The following FAAH2 variants were observed in gnomAD, a reference collection of about 807,000 sequenced individuals.
FAAH2 encodes fatty-acid amide hydrolase 2.
In FAAH2, 60 loss-of-function variants were observed where a neutral mutation model predicts 36.9. The ratio of observed to expected loss-of-function variants is 1.63; its 90% CI spans 1.32 to 2.02. The LOEUF (loss-of-function observed/expected upper bound fraction) is 2.02, where lower values mean the gene tolerates loss of function less well. FAAH2 is among the 30% of genes most tolerant of loss of function. The pLI is 0.00. For missense variants in FAAH2, 689 were observed against 397.5 expected (o/e 1.73, Z -6.23); for synonymous variants, 214 against 143.8 (o/e 1.49, Z -3.49).
At chrX:57,217,922 G>A in the FAAH2 span, among the ~76,000 whole-genome samples, 1 of 111,802 alleles carries the variant, frequency 8.9e-6, no homozygotes, top group East Asian at 2.8e-4. Context: ...AGCATGGCAT[G>A]TGTTTCCATT....
At chrX:57,224,562 G>A in the FAAH2 span, among the ~76,000 whole-genome samples, 6 of 111,424 alleles carry the variant, frequency 5.4e-5, no homozygotes, top group Admixed American at 1.9e-4. Context: ...AGCGTGCGCC[G>A]GCAAGATAGC....
At chrX:57,173,512 A>C in the FAAH2 span, among the ~76,000 whole-genome samples, 1 of 111,917 alleles carries the variant, frequency 8.9e-6, no homozygotes, top group Non-Finnish European at 1.9e-5. Flanking sequence ...ATAAGATTAT[A>C]TTATCAGCAA....
chrX:57,185,488 C>CTGTGTGTGTGTGCG, the FAAH2 span, among the ~76,000 whole-genome samples: 3 of 93,996 alleles, frequency 3.2e-5, no homozygotes, highest in African/African-American at 1.3e-4. Flanking sequence ...CTCTCTGTCT[C>CTGTGTGTGTGTGCG]TGTGTGTGTG....
At chrX:57,400,052 A>T (rs2147297523) in intron 7 of FAAH2, among the ~76,000 whole-genome samples, 1 of 112,410 alleles carries the variant, frequency 8.9e-6, no homozygotes, top group East Asian at 2.8e-4. Context: ...TTGAGCAATT[A>T]CTTGTTGACA....
intron 3 of FAAH2, among the ~76,000 whole-genome samples, chrX:57,328,956 G>A (rs1367534840): frequency 9.0e-6 from 1 of 111,576 alleles, no homozygotes; most frequent in African/African-American, 3.3e-5. Context: ...TGGACCACTA[G>A]AAGGGACAAG....
chrX:57,267,447 G>A, the FAAH2 span, among the ~76,000 whole-genome samples: 1 of 112,528 alleles, frequency 8.9e-6, no homozygotes, highest in Non-Finnish European at 1.9e-5. Context: ...TAAGCACCCA[G>A]GCCTGCACTG....
At chrX:57,415,875 T>C (rs2055829582) in intron 7 of FAAH2, among the ~76,000 whole-genome samples, 1 of 111,299 alleles carries the variant, frequency 9.0e-6, no homozygotes, top group African/African-American at 3.3e-5. Flanking sequence ...TCTTTGTAGG[T>C]CTCTAAGAAC....
intron 9 of FAAH2, among the ~76,000 whole-genome samples, chrX:57,447,992 TTC>T (rs1422623093): frequency 2.7e-5 from 3 of 112,252 alleles, no homozygotes; most frequent in Non-Finnish European, 5.6e-5. Flanking sequence ...CAAACGTTTA[TTC>T]TCTGTTTCCC....
intron 5 of FAAH2, among the ~76,000 whole-genome samples, chrX:57,367,148 G>A (rs1265280294): frequency 8.9e-6 from 1 of 112,641 alleles, no homozygotes; most frequent in Admixed American, 9.4e-5. Flanking sequence ...ATCATGCACA[G>A]CATATATAAG....
At chrX:57,167,098 G>T in the FAAH2 span, among the ~76,000 whole-genome samples, 1 of 111,771 alleles carries the variant, frequency 8.9e-6, no homozygotes, top group Non-Finnish European at 1.9e-5. Flanking sequence ...GTGCCCTAAT[G>T]TCTGGAAGTC....
the FAAH2 span, chrX:57,136,851 C>A: frequency 2.0e-6 from 1 of 497,222 alleles, no homozygotes; most frequent in Non-Finnish European, 3.3e-6. Flanking sequence ...GGCTGGGCCA[C>A]CTCCTCCTAG....
At chrX:57,244,048 ATAAATG>A in the FAAH2 span, among the ~76,000 whole-genome samples, 2 of 108,470 alleles carry the variant, frequency 1.8e-5, no homozygotes, top group Non-Finnish European at 3.8e-5. Flanking sequence ...TTTAGAGAAC[ATAAATG>A]ACCTGATGGA....
At chrX:57,183,793 A>G in the FAAH2 span, among the ~76,000 whole-genome samples, 1 of 111,555 alleles carries the variant, frequency 9.0e-6, no homozygotes, top group Admixed American at 9.5e-5. Context: ...GAACGAGGGA[A>G]GACAACCATA....
intron 5 of FAAH2, among the ~76,000 whole-genome samples, chrX:57,349,461 AC>A (rs1366731802): frequency 2.0e-5 from 2 of 101,138 alleles, no homozygotes; most frequent in Non-Finnish European, 3.9e-5. Context: ...ACATATATAT[AC>A]ATACATGCAT....
chrX:57,479,317 G>A (rs1320868586), intron 10 of FAAH2, among the ~76,000 whole-genome samples: 1 of 111,940 alleles, frequency 8.9e-6, no homozygotes. Context: ...AAGAATGCTT[G>A]TGATTTTTGT....
the FAAH2 span, among the ~76,000 whole-genome samples, chrX:57,197,237 G>A: frequency 9.0e-6 from 1 of 111,004 alleles, no homozygotes; most frequent in Non-Finnish European, 1.9e-5. Context: ...TTTTATTTAT[G>A]CTATTTTTTT....
At chrX:57,291,062 T>C (rs866956881) in intron 1 of FAAH2, among the ~76,000 whole-genome samples, 10 of 112,427 alleles carry the variant, frequency 8.9e-5, no homozygotes, top group African/African-American at 2.9e-4. Flanking sequence ...TTATTTTTTG[T>C]TAATGATTGA....
chrX:57,218,168 A>G, the FAAH2 span, among the ~76,000 whole-genome samples: 1 of 111,619 alleles, frequency 9.0e-6, no homozygotes, highest in Non-Finnish European at 1.9e-5. Context: ...GTTCCTCTTT[A>G]CTGATTTGGA....
intron 7 of FAAH2, among the ~76,000 whole-genome samples, chrX:57,383,551 C>T (rs1401389628): frequency 8.9e-6 from 1 of 111,773 alleles, no homozygotes; most frequent in African/African-American, 3.3e-5. Flanking sequence ...AGAACCAAAT[C>T]ATGAGTGAAC....
Sources: gnomAD v4.1 joint callset for allele counts (sites outside exome capture counted in the v4.1 genomes callset) on GRCh38, gnomAD v4.1.1 for gene constraint, MANE v1.5 for transcripts, NCBI Gene and HGNC (gene_info 2026-07-23, HGNC 2026-07-21) for gene names.